The following INPP4B variants were observed in gnomAD, a reference collection of about 807,000 sequenced individuals.
INPP4B encodes the protein inositol polyphosphate 4-phosphatase type II.
In INPP4B, 55 loss-of-function variants were observed where a neutral mutation model predicts 122.5. The observed-to-expected ratio is 0.45, with a 90% CI of 0.36 to 0.56. The LOEUF (loss-of-function observed/expected upper bound fraction) is 0.56, where lower values mean the gene tolerates loss of function less well. Among genes scored for constraint, INPP4B ranks in the 20% least tolerant of loss-of-function variants. The probability of loss-of-function intolerance (pLI) is 0.00; values close to 1 mark genes in which losing one functional copy is unlikely to be tolerated. For missense variants in INPP4B, 1,000 were observed against 1,097.7 expected (o/e 0.91, Z 1.26); for synonymous variants, 403 against 388.7 (o/e 1.04, Z -0.43).
chr4:142,619,833 G>A (rs2150367588), intron 2 of INPP4B, among the ~76,000 whole-genome samples: 1 of 152,070 alleles, frequency 6.6e-6, no homozygotes, highest in Middle Eastern at 3.4e-3. Flanking sequence ...CTCAGGAGTG[G>A]ATAAGAAAGG....
intron 2 of INPP4B, among the ~76,000 whole-genome samples, chr4:142,724,533 C>T (rs1164048585): frequency 6.6e-6 from 1 of 152,106 alleles, no homozygotes; most frequent in Admixed American, 6.5e-5. Context: ...AATTTGTTCT[C>T]TTTATAATGT....
intron 2 of INPP4B, among the ~76,000 whole-genome samples, chr4:142,554,365 T>TAA (rs11363091): frequency 0.055 from 6,738 of 123,354 alleles, 198 homozygotes; most frequent in African/African-American, 0.072. Flanking sequence ...CTTGCAATAG[T>TAA]AAAAAAAAAA....
chr4:142,351,814 A>T (rs1476940820), intron 7 of INPP4B, among the ~76,000 whole-genome samples: 16 of 152,044 alleles, frequency 1.1e-4, no homozygotes, highest in Non-Finnish European at 4.4e-5. Flanking sequence ...GTTGGGGTTA[A>T]AATGTATTGT....
At chr4:142,167,212 A>G (rs1163945333) in intron 16 of INPP4B, among the ~76,000 whole-genome samples, 2 of 150,862 alleles carry the variant, frequency 1.3e-5, no homozygotes, top group Non-Finnish European at 3.0e-5. Context: ...CTACACAGTT[A>G]TAAAAAGGAA....
intron 12 of INPP4B, among the ~76,000 whole-genome samples, chr4:142,234,815 A>C (rs1188437648): frequency 3.3e-5 from 5 of 152,070 alleles, no homozygotes; most frequent in Admixed American, 2.0e-4. Context: ...GGCAGTGTTT[A>C]TTTGTCTTTC....
rs1030351129 is a variant in INPP4B, at chr4:142,650,364, C to T, written c.-191+75475G>A. Reference sequence around the variant, plus strand: ...ATGACAGGATCAAATTCACACATAACAATATTAACCTTAAATGTAAATGGG... The same window carrying T: ...ATGACAGGATCAAATTCACACATAATAATATTAACCTTAAATGTAAATGGG... On this transcript the variant is annotated intron_variant, in intron 2 of 25. Coordinates refer to ENST00000262992, the MANE Select transcript of INPP4B (RefSeq NM_001101669.3). 3.9e-5 allele frequency among the ~76,000 whole-genome samples: 6 copies of T among 152,078 alleles called. No individual in the cohort carries two copies. In the East Asian group the frequency reaches 1.2e-3, roughly 29 times the overall value.
chr4:142,216,984 G>A (rs988178953), intron 12 of INPP4B, among the ~76,000 whole-genome samples: 2 of 152,074 alleles, frequency 1.3e-5, no homozygotes, highest in African/African-American at 2.4e-5. Flanking sequence ...GTTGTTGTAG[G>A]TATAGGGACC....
chr4:142,725,702 C>A (rs1765260434), intron 2 of INPP4B, 137 bp downstream of exon 2: 1 of 387,104 alleles, frequency 2.6e-6, no homozygotes, highest in Admixed American at 4.4e-5. Context: ...ATCGTAAGGC[C>A]TTCCCTTGGC....
At chr4:142,412,485 T>C (rs1263856143) in intron 5 of INPP4B, among the ~76,000 whole-genome samples, 1 of 152,118 alleles carries the variant, frequency 6.6e-6, no homozygotes, top group East Asian at 1.9e-4. Flanking sequence ...TCCATGATAA[T>C]TCAATTATAT....
intron 2 of INPP4B, among the ~76,000 whole-genome samples, chr4:142,588,671 T>G (rs1736763754): frequency 6.6e-6 from 1 of 151,376 alleles, no homozygotes; most frequent in African/African-American, 2.4e-5. Context: ...ACTATAAAAA[T>G]CTGATGAAAT....
At chr4:142,062,534 A>G (rs28726250) in intron 25 of INPP4B, among the ~76,000 whole-genome samples, 3,881 of 152,186 alleles carry the variant, frequency 0.026, 181 homozygotes, top group African/African-American at 0.089. Flanking sequence ...TCAAGAGATC[A>G]AGATCATACT....
chr4:142,706,897 C>T (rs1203215305), intron 2 of INPP4B, among the ~76,000 whole-genome samples: 2 of 152,186 alleles, frequency 1.3e-5, no homozygotes, highest in Admixed American at 6.5e-5. Context: ...CTAAAATTTG[C>T]ATATGAAGCT....
In INPP4B at chr4:142,194,780, T is replaced by G. The variant is rs1837460909; in HGVS notation, c.1073-1585A>C. On this transcript the variant is annotated intron_variant, in intron 14 of 25. Transcript: ENST00000262992. ...TTCCTGATCTGCCACTTATTTAACTTCTCTATGTCTCAGTTTCCTTACCTA... is the reference window on the plus strand; with the variant it reads ...TTCCTGATCTGCCACTTATTTAACTGCTCTATGTCTCAGTTTCCTTACCTA... Among the ~76,000 whole-genome samples, 3 of 152,150 alleles carry G rather than the reference T, an allele frequency of 2.0e-5. No homozygotes were observed. In the South Asian group the frequency reaches 6.2e-4, roughly 32 times the overall value.
chr4:142,392,333 T>G, intron 7 of INPP4B, among the ~76,000 whole-genome samples: 1 of 152,228 alleles, frequency 6.6e-6, no homozygotes, highest in East Asian at 1.9e-4. Flanking sequence ...TTTTCCTTGT[T>G]TATGCCTCTA....
intron 17 of INPP4B, among the ~76,000 whole-genome samples, chr4:142,151,333 T>C (rs1342426194): frequency 6.6e-6 from 1 of 152,044 alleles, no homozygotes; most frequent in Admixed American, 6.6e-5. Flanking sequence ...ACACATTCAC[T>C]AAAAATAGCC....
At chr4:142,766,757 G>A (rs1250170076) in intron 1 of INPP4B, 1 of 152,088 alleles carries the variant, frequency 6.6e-6, no homozygotes, top group African/African-American at 2.4e-5. Context: ...TAGGAGGCTG[G>A]AACTGGAATA....
intron 5 of INPP4B, chr4:142,427,329 G>T: frequency 2.5e-6 from 1 of 397,332 alleles, no homozygotes; most frequent in Non-Finnish European, 4.4e-6. Flanking sequence ...AGCATTTCTT[G>T]CCATTTGACA....
chr4:142,253,553 G>A (rs897495828), intron 11 of INPP4B, among the ~76,000 whole-genome samples: 42 of 152,216 alleles, frequency 2.8e-4, no homozygotes, highest in Non-Finnish European at 4.9e-4. Context: ...AAGTGCAAGG[G>A]GTCAGGGAGT....
chr4:142,029,061 T>C (rs139918596), intron 25 of INPP4B, 147 bp from the exon 26 acceptor site: 3 of 1,402,624 alleles, frequency 2.1e-6, no homozygotes, highest in Non-Finnish European at 2.8e-6. Context: ...TGATGATACA[T>C]CTTACAAAAT....
Sources: gnomAD v4.1 joint callset for allele counts (sites outside exome capture counted in the v4.1 genomes callset) on GRCh38, gnomAD v4.1.1 for gene constraint, MANE v1.5 for transcripts, NCBI Gene and HGNC (gene_info 2026-07-23, HGNC 2026-07-21) for gene names.